Variants in GOLPH3L observed in about 807,000 individuals in gnomAD.
GOLPH3L encodes golgi phosphoprotein 3 like, also known as Golgi phosphoprotein 3-like.
A neutral mutation model predicts 30.3 loss-of-function variants in GOLPH3L; 22 were observed. That is an observed-to-expected ratio of 0.73 (90% CI 0.52 to 1.04). The LOEUF is 1.04. Ranked by LOEUF, GOLPH3L falls within the 50% of genes least tolerant of loss-of-function variation. The pLI is 0.00. For missense variants in GOLPH3L, 303 were observed against 345.8 expected (o/e 0.88, Z 0.98); for synonymous variants, 120 against 128.2 (o/e 0.94, Z 0.43).
At chr1:150,660,021 G>A (rs959283588) in intron 4 of GOLPH3L, among the ~76,000 whole-genome samples, 3 of 151,942 alleles carry the variant, frequency 2.0e-5, no homozygotes, top group African/African-American at 4.8e-5. Flanking sequence ...GTGACAGAGT[G>A]AGACCGCATC....
At chr1:150,663,796 T>C (rs748886986) in intron 2 of GOLPH3L, 33 bp from the exon 3 acceptor site, 1 of 1,600,542 alleles carries the variant, frequency 6.2e-7, no homozygotes. Flanking sequence ...AGAAAGAATG[T>C]TTTGAGAGGA....
chr1:150,688,864 C>T (rs928155298), intron 2 of GOLPH3L, among the ~76,000 whole-genome samples: 1 of 152,134 alleles, frequency 6.6e-6, no homozygotes, highest in African/African-American at 2.4e-5. Context: ...CGTGCTTTTC[C>T]TCTGTGTTTC....
At chr1:150,683,758 TCACTTGAGCTGGAGAA>T (rs2101813795) in intron 2 of GOLPH3L, among the ~76,000 whole-genome samples, 1 of 130,788 alleles carries the variant, frequency 7.6e-6, no homozygotes, top group East Asian at 2.4e-4. Flanking sequence ...AAATGTTGGC[TCACTTGAGCTGGAGAA>T]AAAAAATCAC....
chr1:150,681,059 G>A (rs1650936413), intron 2 of GOLPH3L, among the ~76,000 whole-genome samples: 2 of 152,166 alleles, frequency 1.3e-5, no homozygotes. Flanking sequence ...AGAACCACTT[G>A]AACCTGGAAG....
intron 4 of GOLPH3L, among the ~76,000 whole-genome samples, chr1:150,653,731 C>T (rs192491914): frequency 1.3e-5 from 2 of 151,894 alleles, no homozygotes; most frequent in East Asian, 3.9e-4. Context: ...ACTGGGATTA[C>T]AGGTGTGAGC....
intron 4 of GOLPH3L, among the ~76,000 whole-genome samples, chr1:150,659,990 C>T (rs587599701): frequency 4.3e-4 from 66 of 152,152 alleles, no homozygotes; most frequent in African/African-American, 1.5e-3. Flanking sequence ...GCCGAGATTG[C>T]ACCACGGCAC....
At position 150,663,763 on chromosome 1, in the gene GOLPH3L, C is replaced by T; in HGVS notation, c.184G>A (p.Gly62Arg). Residue 62 changes from glycine (G) to arginine (R), a missense_variant and splice_region_variant, in exon 3 of 5, where the codon GGG becomes AGG. Transcript: ENST00000271732. ...CAGTCATTCCAGAAAGATGTGTACC[C>T]CTAGGAAAGGAGAAAAGAGAAGAGA... ...VLLLGLKDKEGYTSFWNDCIS... is the reference protein window; with the variant it reads ...VLLLGLKDKERYTSFWNDCIS... The T allele has an allele frequency of 6.2e-7, 1 of 1,612,020 alleles. No individual in the cohort carries two copies. The highest frequency in any genetic ancestry group is 8.5e-7 in the Non-Finnish European group (1 of 1,178,686).
At chr1:150,667,482 G>A (rs77178820) in intron 2 of GOLPH3L, among the ~76,000 whole-genome samples, 6,257 of 152,084 alleles carry the variant, frequency 0.041, 426 homozygotes, top group African/African-American at 0.14. Flanking sequence ...CAGGAGGATC[G>A]CTTGAGGCCA....
At chr1:150,659,647 T>C (rs1650324964) in intron 4 of GOLPH3L, among the ~76,000 whole-genome samples, 1 of 151,266 alleles carries the variant, frequency 6.6e-6, no homozygotes, top group Non-Finnish European at 1.5e-5. Context: ...ACTATATTTC[T>C]GTGTGTGTGT....
At chr1:150,669,528 A>C (rs955438940) in intron 2 of GOLPH3L, among the ~76,000 whole-genome samples, 5 of 152,206 alleles carry the variant, frequency 3.3e-5, no homozygotes, top group Admixed American at 6.5e-5. Flanking sequence ...TCACCATTTG[A>C]TCATTAAATC....
intron 4 of GOLPH3L, among the ~76,000 whole-genome samples, chr1:150,660,931 AAATAAT>A (rs1650353517): frequency 6.6e-6 from 1 of 152,184 alleles, no homozygotes; most frequent in African/African-American, 2.4e-5. Context: ...AGAATGGCTA[AAATAAT>A]AATAAATGTT....
At chr1:150,684,274 A>G (rs1651033273) in intron 2 of GOLPH3L, among the ~76,000 whole-genome samples, 1 of 152,244 alleles carries the variant, frequency 6.6e-6, no homozygotes, top group East Asian at 1.9e-4. Flanking sequence ...CATCTTTAGC[A>G]AACTAATATA....
intron 2 of GOLPH3L, among the ~76,000 whole-genome samples, chr1:150,688,147 A>G (rs767795048): frequency 6.6e-6 from 1 of 152,222 alleles, no homozygotes; most frequent in Non-Finnish European, 1.5e-5. Flanking sequence ...ATATTGTTCT[A>G]TTGGTGATTA....
In GOLPH3L at chr1:150,646,843, A is replaced by G. The variant is rs1649987105; in HGVS notation, c.*1478T>C. 1 of 152,236 alleles carries G rather than the reference A, an allele frequency of 6.6e-6. No individual in the cohort carries two copies. Among genetic ancestry groups the G allele is most frequent in the South Asian group, 2.1e-4 (1 of 4,832 alleles). 9.4% of individuals were successfully genotyped at this position (152,236 alleles called of 1,614,324 possible). A position where few individuals can be genotyped will look rare whatever the true frequency, so the allele number is the denominator to read the frequency against. On this transcript the variant is annotated 3_prime_UTR_variant, in exon 5 of 5. Coordinates refer to ENST00000271732, the MANE Select transcript of GOLPH3L (RefSeq NM_018178.6). ...TGAACATCAGCACAGCTCAGTGCACATCCTCTTTATATCCTCAAATACTGG... is the reference window on the plus strand; with the variant it reads ...TGAACATCAGCACAGCTCAGTGCACGTCCTCTTTATATCCTCAAATACTGG...
chr1:150,663,659 C>T lies in GOLPH3L; in HGVS notation c.288G>A (p.Met96Ile), dbSNP rs1276510749. The change falls in exon 3 of 5, where the codon ATG (methionine) becomes ATA (isoleucine). Residue 96 changes from methionine to isoleucine, a missense_variant. By Grantham distance (10) the Met-to-Ile change is conservative. Transcript: ENST00000271732. Reference protein sequence around the residue: ...RGRIYLEPPTMRKKRLLDRKV... With the variant: ...RGRIYLEPPTIRKKRLLDRKV... ...TTCTGTCTAGTAGTCGCTTCTTACGCATGGTCGGGGGTTCCAGATAGATTC... is the reference window on the plus strand; with the variant it reads ...TTCTGTCTAGTAGTCGCTTCTTACGTATGGTCGGGGGTTCCAGATAGATTC... The T allele has an allele frequency of 6.2e-7, 1 of 1,613,496 alleles. No individual in the cohort carries two copies. Among genetic ancestry groups the T allele is most frequent in the East Asian group, 2.2e-5 (1 of 44,872 alleles).
At chr1:150,682,170 T>TTA (rs935200671) in intron 2 of GOLPH3L, among the ~76,000 whole-genome samples, 15 of 152,068 alleles carry the variant, frequency 9.9e-5, no homozygotes, top group African/African-American at 3.4e-4. Context: ...GGAAGCAAGA[T>TTA]TATAGGTGGT....
In GOLPH3L at chr1:150,648,462, G is replaced by A. The variant is rs761304980; in HGVS notation, c.717C>T (p.Phe239=). The A allele has an allele frequency of 6.2e-7, 1 of 1,614,032 alleles. No homozygotes were observed. The highest frequency in any genetic ancestry group is 8.5e-7 in the Non-Finnish European group (1 of 1,179,890). The change falls in exon 5 of 5, where the codon TTC becomes TTT. Residue 239 remains phenylalanine (F), a synonymous_variant. Coordinates refer to ENST00000271732, the MANE Select transcript of GOLPH3L (RefSeq NM_018178.6). ...CATACTTGTCATCTGTCAGAGAGGA[G>A]AAGACATTCTCTAGCACATCAGAGG... is the stretch of plus-strand genomic sequence containing the variant. ...AHSSDVLENV[F]SSLTDDKYDV...
At chr1:150,685,006 C>T (rs1651049609) in intron 2 of GOLPH3L, among the ~76,000 whole-genome samples, 1 of 152,102 alleles carries the variant, frequency 6.6e-6, no homozygotes, top group Non-Finnish European at 1.5e-5. Flanking sequence ...TTTACTTATT[C>T]GTTAAACATA....
chr1:150,648,130 G>GATCTC lies in GOLPH3L; in HGVS notation c.*190_*191insGAGAT. 3 of 510,878 alleles carry GATCTC rather than the reference G, an allele frequency of 5.9e-6. No individual in the cohort carries two copies. The highest frequency in any genetic ancestry group is 1.9e-5 in the African/African-American group (1 of 52,702). The allele number at this position is 510,878 out of a possible 1,614,324, so 31.6% of individuals were successfully genotyped here. ...TATTTACCTATGGAGTGGAAGTGTAGGGAGAAATAAGGTCTGCTTATAATG... is the reference window on the plus strand; with the variant it reads ...TATTTACCTATGGAGTGGAAGTGTAGATCTCGGAGAAATAAGGTCTGCTTATAATG... On this transcript the variant is annotated 3_prime_UTR_variant, in exon 5 of 5. Transcript: ENST00000271732.
Sources: gnomAD v4.1 joint callset for allele counts (sites outside exome capture counted in the v4.1 genomes callset) on GRCh38, gnomAD v4.1.1 for gene constraint, MANE v1.5 for transcripts, NCBI Gene and HGNC (gene_info 2026-07-23, HGNC 2026-07-21) for gene names.